MCTP1: variants seen among roughly 807,000 people sequenced by gnomAD.
MCTP1 encodes multiple C2 and transmembrane domain containing 1, also known as multiple C2 and transmembrane domain-containing protein 1.
Under a neutral mutation model 120.6 loss-of-function variants are expected in MCTP1, and 69 were observed. That is an observed-to-expected ratio of 0.57 (90% CI 0.47 to 0.70). The LOEUF is 0.70. MCTP1 is among the 30% of genes least tolerant of loss of function. The probability of loss-of-function intolerance (pLI) is 0.00; values close to 1 mark genes in which losing one functional copy is unlikely to be tolerated. For synonymous variants in MCTP1, 529 were observed against 493.1 expected, an observed-to-expected ratio of 1.07 and a Z score of -0.96; for missense variants, 1,203 against 1,248.8, an observed-to-expected ratio of 0.96 and a Z score of 0.55.
intron 19 of MCTP1, among the ~76,000 whole-genome samples, chr5:94,728,409 T>C (rs1762516225): frequency 6.6e-6 from 1 of 152,194 alleles, no homozygotes; most frequent in Non-Finnish European, 1.5e-5. Context: ...TTAGAAATGG[T>C]AGTTTATGTA....
At chr5:95,230,500 T>C in intron 1 of MCTP1, among the ~76,000 whole-genome samples, 1 of 152,094 alleles carries the variant, frequency 6.6e-6, no homozygotes, top group East Asian at 1.9e-4. Flanking sequence ...TGACTTCTAG[T>C]GAGCCCTGTG....
chr5:95,138,702 G>A (rs755840413), intron 1 of MCTP1, among the ~76,000 whole-genome samples: 15 of 152,086 alleles, frequency 9.9e-5, no homozygotes, highest in Middle Eastern at 3.4e-3. Flanking sequence ...TCACTCCACC[G>A]GCTGCTCCCT....
At chr5:94,898,930 T>C (rs1804780197) in intron 10 of MCTP1, among the ~76,000 whole-genome samples, 1 of 152,242 alleles carries the variant, frequency 6.6e-6, no homozygotes, top group Admixed American at 6.5e-5. Flanking sequence ...TTGTTGTAAC[T>C]GTATGTTTAC....
intron 12 of MCTP1, among the ~76,000 whole-genome samples, chr5:94,880,080 G>A (rs1490574677): frequency 6.6e-6 from 1 of 152,088 alleles, no homozygotes; most frequent in Non-Finnish European, 1.5e-5. Flanking sequence ...CCTATAAAAT[G>A]AGAAGAGGCC....
chr5:95,106,826 C>G (rs551974518), intron 1 of MCTP1, among the ~76,000 whole-genome samples: 2 of 152,232 alleles, frequency 1.3e-5, no homozygotes, highest in South Asian at 4.1e-4. Flanking sequence ...CTAACTGATC[C>G]AGAACAGTCA....
intron 12 of MCTP1, among the ~76,000 whole-genome samples, chr5:94,885,263 C>G (rs1801009544): frequency 6.6e-6 from 1 of 150,682 alleles, no homozygotes; most frequent in Admixed American, 6.6e-5. Context: ...AGTGGCTGGT[C>G]TCCCTGGGGA....
chr5:94,992,369 T>C (rs1422633151), intron 2 of MCTP1, among the ~76,000 whole-genome samples: 1 of 152,182 alleles, frequency 6.6e-6, no homozygotes, highest in African/African-American at 2.4e-5. Context: ...TAAAACCTTA[T>C]GTGTAGAATC....
At position 94,983,032 on chromosome 5, in the gene MCTP1, T is replaced by C. The variant is rs1335576641; in HGVS notation, c.839-29671A>G. ...TAAGGGGGATTTAACATGCTACTGC[T>C]GTCTTGAAAATGAAGGGGGACACAT... On this transcript the variant is annotated intron_variant, in intron 2 of 22. Coordinates refer to ENST00000515393, the MANE Select transcript of MCTP1 (RefSeq NM_024717.7). Among the ~76,000 whole-genome samples, 5 of 151,932 alleles carry C rather than the reference T, an allele frequency of 3.3e-5. No homozygotes were observed. The South Asian group carries it at 6.2e-4, about 19-fold the overall frequency.
chr5:94,884,010 G>A (rs1800703188), intron 12 of MCTP1, among the ~76,000 whole-genome samples: 1 of 152,030 alleles, frequency 6.6e-6, no homozygotes, highest in Admixed American at 6.5e-5. Flanking sequence ...TCTCTGAATA[G>A]ACCCATAATG....
chr5:95,144,699 A>C (rs568481358), intron 1 of MCTP1, among the ~76,000 whole-genome samples: 1 of 152,094 alleles, frequency 6.6e-6, no homozygotes, highest in South Asian at 2.1e-4. Context: ...CAGCTTTGTC[A>C]ATGATCAGAT....
intron 19 of MCTP1, 129 bp from the exon 20 acceptor site, chr5:94,715,015 A>G: frequency 1.7e-6 from 1 of 602,886 alleles, no homozygotes; most frequent in South Asian, 2.0e-5. Context: ...ATAAATGGAT[A>G]ATTGGAACCC....
At position 95,284,476 on chromosome 5, in the gene MCTP1, T is replaced by TGGGACA; in HGVS notation, c.99_100insTGTCCC (p.Gly33_Arg34insCysPro). ...CGCCCGCCCCCGCCGCCCTTGCTCC[T>TGGGACA]GCCCACCCCCAGCTGCAGGTTCTTC... is the stretch of plus-strand genomic sequence containing the variant. On this transcript the variant is annotated inframe_insertion, in exon 1 of 23. Transcript: ENST00000515393. The surrounding 1 kb of genome is among the most constrained non-coding windows in gnomAD (Gnocchi z 5.2). 7.2e-7 allele frequency: 1 copy of TGGGACA among 1,392,238 alleles called. No homozygotes were observed. Among genetic ancestry groups the TGGGACA allele is most frequent in the Non-Finnish European group, 9.7e-7 (1 of 1,028,456 alleles). 86.2% of individuals were successfully genotyped at this position (1,392,238 alleles called of 1,614,324 possible). A position where few individuals can be genotyped will look rare whatever the true frequency, so the allele number is the denominator to read the frequency against.
chr5:94,735,128 C>A (rs1035273060), intron 19 of MCTP1, among the ~76,000 whole-genome samples: 1 of 152,082 alleles, frequency 6.6e-6, no homozygotes, highest in Non-Finnish European at 1.5e-5. Flanking sequence ...ACTGCCAAAT[C>A]GCCTTCCAAA....
intron 3 of MCTP1, among the ~76,000 whole-genome samples, chr5:94,951,418 A>G (rs1217462888): frequency 6.6e-6 from 1 of 152,214 alleles, no homozygotes; most frequent in African/African-American, 2.4e-5. Context: ...GGACAGTCAC[A>G]TGGTTCTTTC....
rs149180696 is a variant in MCTP1, at chr5:95,004,716, G to A, written c.838+12651C>T. ...ACCTCTAGGTGCACAGAGGGCAACA[G>A]TTGAGGCTTGGGAGCCTCTGCCTAG... is the stretch of plus-strand genomic sequence containing the variant. On this transcript the variant is annotated intron_variant, in intron 2 of 22. Coordinates refer to ENST00000515393, the MANE Select transcript of MCTP1 (RefSeq NM_024717.7). 2.0e-3 allele frequency among the ~76,000 whole-genome samples: 308 copies of A among 152,370 alleles called. 1 individual carries two copies. The highest frequency in any genetic ancestry group is 7.1e-3 in the African/African-American group (294 of 41,596).
intron 18 of MCTP1, among the ~76,000 whole-genome samples, chr5:94,781,694 G>A (rs1054446828): frequency 6.6e-6 from 1 of 152,130 alleles, no homozygotes; most frequent in African/African-American, 2.4e-5. Flanking sequence ...CAGATCAGCT[G>A]TGGATCTTAT....
chr5:94,803,400 G>C (rs1781598793), intron 17 of MCTP1, among the ~76,000 whole-genome samples: 1 of 152,204 alleles, frequency 6.6e-6, no homozygotes, highest in Non-Finnish European at 1.5e-5. Context: ...GTGTGGTACA[G>C]TAGAAAGAGA....
At chr5:94,794,043 A>G (rs1454399517) in intron 18 of MCTP1, among the ~76,000 whole-genome samples, 1 of 152,208 alleles carries the variant, frequency 6.6e-6, no homozygotes, top group Non-Finnish European at 1.5e-5. Context: ...AGTATTTCCT[A>G]AAGTATTTTA....
intron 12 of MCTP1, among the ~76,000 whole-genome samples, chr5:94,878,364 TTAAC>T (rs1310740828): frequency 1.3e-5 from 2 of 152,076 alleles, no homozygotes; most frequent in Non-Finnish European, 2.9e-5. Context: ...AACTCACACT[TTAAC>T]TAGGTCCCCA....
Sources: allele counts gnomAD v4.1 joint callset (sites outside exome capture counted in the v4.1 genomes callset), GRCh38; gene constraint gnomAD v4.1.1; non-coding constraint Gnocchi (gnomAD v3.1); transcripts MANE v1.5; gene names NCBI Gene and HGNC (gene_info 2026-07-23, HGNC 2026-07-21).